The following RFFL variants were observed in gnomAD, a reference collection of about 807,000 sequenced individuals.
RFFL encodes ring finger and FYVE like domain containing E3 ubiquitin protein ligase, also known as E3 ubiquitin-protein ligase rififylin.
In RFFL, 16 loss-of-function variants were observed where a neutral mutation model predicts 40.4. That is an observed-to-expected ratio of 0.40 (90% CI 0.27 to 0.60). The LOEUF (loss-of-function observed/expected upper bound fraction) is 0.60. Among genes scored for constraint, RFFL ranks in the 20% least tolerant of loss-of-function variants. RFFL has a pLI of 0.47. For synonymous variants in RFFL, 154 were observed against 167.9 expected, an observed-to-expected ratio of 0.92 and a Z score of 0.64; for missense variants, 367 against 451.7, an observed-to-expected ratio of 0.81 and a Z score of 1.70.
At chr17:35,016,978 C>T (rs77513863) in intron 4 of RFFL, among the ~76,000 whole-genome samples, 3,899 of 152,188 alleles carry the variant, frequency 0.026, 153 homozygotes, top group East Asian at 0.16. Context: ...GAGAGCAGTC[C>T]TACCCCACAG....
Position 35,011,787 on chromosome 17 carries a change from G to A in RFFL, c.*181C>T, listed in dbSNP as rs561511823. 2.5e-4 allele frequency: 153 copies of A among 609,588 alleles called. 1 individual carries two copies. In the East Asian group the frequency reaches 4.0e-3, roughly 16 times the overall value. The allele number at this position is 609,588 out of a possible 1,614,324, so 37.8% of individuals were successfully genotyped here. A position where few individuals can be genotyped will look rare whatever the true frequency, so the allele number is the denominator to read the frequency against. On this transcript the variant is annotated 3_prime_UTR_variant, in exon 7 of 7. Coordinates refer to ENST00000394597, the MANE Select transcript of RFFL (RefSeq NM_001017368.2). ...TTCCCACTGGCCTTGGGCTTTGCCA[G>A]CCAAGAGGTACACCCCTGGGAAGAC... is the stretch of plus-strand genomic sequence containing the variant.
intron 1 of RFFL, among the ~76,000 whole-genome samples, chr17:35,052,580 T>C (rs893240227): frequency 1.3e-5 from 2 of 151,202 alleles, no homozygotes; most frequent in Non-Finnish European, 2.9e-5. Flanking sequence ...GAAAAGGAAA[T>C]GTGAAAGGAA....
chr17:35,055,184 C>T (rs1357614729), intron 1 of RFFL, among the ~76,000 whole-genome samples: 3 of 151,874 alleles, frequency 2.0e-5, no homozygotes, highest in Non-Finnish European at 4.4e-5. Context: ...TCCCAAAGTG[C>T]TGGGATTACA....
At chr17:35,056,741 T>C (rs2091263725) in intron 1 of RFFL, among the ~76,000 whole-genome samples, 1 of 152,148 alleles carries the variant, frequency 6.6e-6, no homozygotes, top group Non-Finnish European at 1.5e-5. Context: ...TATCCTGCCC[T>C]ATCTGCGATG....
chr17:35,059,842 T>C (rs8065886), intron 1 of RFFL, among the ~76,000 whole-genome samples: 32,404 of 152,124 alleles, frequency 0.21, 5,314 homozygotes, highest in African/African-American at 0.46. Flanking sequence ...TTAAAACTTA[T>C]AATGATAAGA....
chr17:35,071,513 G>A (rs1420836603), intron 1 of RFFL, among the ~76,000 whole-genome samples: 1 of 152,034 alleles, frequency 6.6e-6, no homozygotes, highest in African/African-American at 2.4e-5. Context: ...AGCTACTTGG[G>A]AGGCTGAGGC....
chr17:35,025,742 C>G (rs2091036927), intron 2 of RFFL, among the ~76,000 whole-genome samples: 1 of 152,194 alleles, frequency 6.6e-6, no homozygotes, highest in South Asian at 2.1e-4. Context: ...AACTCACTGC[C>G]TCTGGAAGAG....
chr17:35,084,341 A>C (rs756313912), intron 1 of RFFL, among the ~76,000 whole-genome samples: 1 of 151,990 alleles, frequency 6.6e-6, no homozygotes, highest in Non-Finnish European at 1.5e-5. Flanking sequence ...CACACCTGTA[A>C]TCCCAACATT....
At chr17:35,062,622 G>C (rs529052498) in intron 1 of RFFL, among the ~76,000 whole-genome samples, 49 of 152,324 alleles carry the variant, frequency 3.2e-4, no homozygotes, top group Middle Eastern at 3.4e-3. Flanking sequence ...TCATGGAAGA[G>C]GTGACTTCTA....
intron 1 of RFFL, among the ~76,000 whole-genome samples, chr17:35,034,174 T>C (rs72823665): frequency 6.6e-6 from 1 of 150,916 alleles, no homozygotes; most frequent in Non-Finnish European, 1.5e-5. Flanking sequence ...ATAATAATAA[T>C]AATGATAATA....
upstream of RFFL, among the ~76,000 whole-genome samples, chr17:35,067,116 ATTT>A (rs542174092): frequency 2.2e-5 from 3 of 139,016 alleles, no homozygotes; most frequent in African/African-American, 2.7e-5. Context: ...CAGAAACTGA[ATTT>A]TTTTTTTTTT....
intron 6 of RFFL, 38 bp from the exon 7 acceptor site, chr17:35,012,187 G>C (rs770877814): frequency 3.8e-6 from 6 of 1,588,844 alleles, no homozygotes; most frequent in Non-Finnish European, 5.2e-6. Context: ...AGGGGCAGAG[G>C]AGTGAGGAGA....
At chr17:35,067,322 T>G (rs1223918152), upstream of RFFL, among the ~76,000 whole-genome samples, 1 of 152,054 alleles carries the variant, frequency 6.6e-6, no homozygotes, top group Non-Finnish European at 1.5e-5. Flanking sequence ...TTTGCCATGT[T>G]GGCCAGGCTG....
intron 1 of RFFL, among the ~76,000 whole-genome samples, chr17:35,040,526 C>T (rs2091156924): frequency 6.6e-6 from 1 of 151,400 alleles, no homozygotes; most frequent in African/African-American, 2.4e-5. Flanking sequence ...TCACTTGAAC[C>T]TGGAAGGCAG....
chr17:35,032,748 G>T (rs1040433226), intron 1 of RFFL, among the ~76,000 whole-genome samples: 19 of 151,958 alleles, frequency 1.3e-4, no homozygotes, highest in Admixed American at 9.2e-4. Flanking sequence ...AGAAGGCATG[G>T]GAAAACCACA....
In RFFL at chr17:35,016,366, T is replaced by G. The variant is rs2090973206; in HGVS notation, c.886+4A>C. 1.2e-6 allele frequency: 2 copies of G among 1,613,684 alleles called. No individual in the cohort carries two copies. On this transcript the variant is annotated splice_donor_region_variant and intron_variant, in intron 5 of 6. Transcript: ENST00000394597. ...GTAAAGCTACCATGCAGATAGCCCC[T>G]CACCCAGGTGCTGGAGTCCTTTCTG... is the stretch of plus-strand genomic sequence containing the variant.
At chr17:35,051,924 C>G (rs2091234130) in intron 1 of RFFL, among the ~76,000 whole-genome samples, 1 of 152,200 alleles carries the variant, frequency 6.6e-6, no homozygotes, top group African/African-American at 2.4e-5. Context: ...CCACTACTTT[C>G]AAAGATTTGG....
chr17:35,067,085 A>G (rs2142374108), upstream of RFFL, among the ~76,000 whole-genome samples: 1 of 151,914 alleles, frequency 6.6e-6, no homozygotes, highest in Non-Finnish European at 1.5e-5. Flanking sequence ...ACTCTGAATT[A>G]GCAGACATGG....
At chr17:35,048,874 A>C (rs898580071) in intron 1 of RFFL, among the ~76,000 whole-genome samples, 1 of 152,146 alleles carries the variant, frequency 6.6e-6, no homozygotes, top group Non-Finnish European at 1.5e-5. Context: ...GTTTGATCTC[A>C]ATCTGAAAAT....
Sources: gnomAD v4.1 joint callset for allele counts (sites outside exome capture counted in the v4.1 genomes callset) on GRCh38, gnomAD v4.1.1 for gene constraint, MANE v1.5 for transcripts, NCBI Gene and HGNC (gene_info 2026-07-23, HGNC 2026-07-21) for gene names.